The following CROCC2 variants were observed in gnomAD, a reference collection of about 807,000 sequenced individuals.
The protein encoded by CROCC2 is ciliary rootlet coiled-coil, rootletin family member 2, also known as ciliary rootlet coiled-coil protein 2.
In CROCC2, 163 loss-of-function variants were observed where a neutral mutation model predicts 177.6. The observed-to-expected ratio is 0.92, with a 90% CI of 0.81 to 1.05. The LOEUF (loss-of-function observed/expected upper bound fraction) is 1.05, where lower values mean the gene tolerates loss of function less well. Among genes scored for constraint, CROCC2 ranks in the 50% least tolerant of loss-of-function variants. CROCC2 has a pLI of 0.00. For missense variants in CROCC2, 1,929 were observed against 1,797.8 expected, an observed-to-expected ratio of 1.07 and a Z score of -1.32; for synonymous variants, 904 against 787.3, an observed-to-expected ratio of 1.15 and a Z score of -2.48.
intron 18 of CROCC2, 25 bp downstream of exon 18, chr2:240,950,535 G>A (rs780358517): frequency 1.1e-4 from 164 of 1,536,124 alleles, no homozygotes; most frequent in Non-Finnish European, 1.3e-4. Context: ...GGGGGGCAGC[G>A]GGATTGCTCA....
Position 240,973,134 on chromosome 2 carries a change from G to A in CROCC2, c.4401+4872G>A, listed in dbSNP as rs1482602647. On this transcript the variant is annotated intron_variant, in intron 27 of 31. Coordinates refer to ENST00000690015, the MANE Select transcript of CROCC2 (RefSeq NM_001351305.2). This position sits in a 1 kb window ranked among gnomAD's most constrained non-coding sequence, Gnocchi z 4.7. ...GCTTTCATGGGTTGGTTTTTCCCCT[G>A]TTTCACATAAGCCGATGTGTTTGTC... 6.6e-6 allele frequency among the ~76,000 whole-genome samples: 1 copy of A among 152,180 alleles called. No individual in the cohort carries two copies. The highest frequency in any genetic ancestry group is 1.9e-4 in the East Asian group (1 of 5,192).
Position 240,949,449 on chromosome 2 carries a change from C to T in CROCC2, c.2483-84C>T. ...GCCTGGAGTGGACAGTGCTTGCCCCCAAGACTGTCACTCCCTAGGAAGTCC... is the reference window on the plus strand; with the variant it reads ...GCCTGGAGTGGACAGTGCTTGCCCCTAAGACTGTCACTCCCTAGGAAGTCC... On this transcript the variant is annotated intron_variant, in intron 16 of 31. Coordinates refer to ENST00000690015, the MANE Select transcript of CROCC2 (RefSeq NM_001351305.2). This position sits in a 1 kb window ranked among gnomAD's most constrained non-coding sequence, Gnocchi z 4.5. 6.8e-7 allele frequency: 1 copy of T among 1,470,386 alleles called. No individual in the cohort carries two copies. The highest frequency in any genetic ancestry group is 9.2e-7 in the Non-Finnish European group (1 of 1,087,406). The allele number at this position is 1,470,386 out of a possible 1,614,324, so 91.1% of individuals were successfully genotyped here. A position where few individuals can be genotyped will look rare whatever the true frequency, so the allele number is the denominator to read the frequency against.
rs548602294 is a variant in CROCC2 at position 240,927,546 on chromosome 2, G to T, written c.645+1666G>T. Among the ~76,000 whole-genome samples the T allele has an allele frequency of 3.3e-5, 5 of 152,226 alleles. No individual in the cohort carries two copies. In the South Asian group the frequency reaches 1.0e-3, roughly 32 times the overall value. On this transcript the variant is annotated intron_variant, in intron 5 of 31. Coordinates refer to ENST00000690015, the MANE Select transcript of CROCC2 (RefSeq NM_001351305.2). Reference sequence around the variant, plus strand: ...TTTTCTCTTCTGATGTCTAATCTCTGTTAAATTTGCCTACTTAGCTTAAAT... The same window carrying T: ...TTTTCTCTTCTGATGTCTAATCTCTTTTAAATTTGCCTACTTAGCTTAAAT...
intron 14 of CROCC2, among the ~76,000 whole-genome samples, chr2:240,943,165 G>T (rs1045738844): frequency 6.6e-6 from 1 of 151,840 alleles, no homozygotes; most frequent in Non-Finnish European, 1.5e-5. Context: ...ACATGACCAC[G>T]CCCAGCTAAT....
rs77569264 is a variant in CROCC2, at chr2:240,964,526, G to A, written c.3366G>A (p.Ala1122=). 0.038 allele frequency: 58,492 copies of A among 1,549,310 alleles called. 1,339 individuals are homozygous for A. Among genetic ancestry groups the A allele is most frequent in the Non-Finnish European group, 0.043 (49,212 of 1,146,852 alleles). ...TGCTCATCCTGGAGGAGGCCCAGGC[G>A]GCGTTGCAGCAGGAGGCCAGTGCAC... ...QKLLILEEAQ[A]ALQQEASALR... The change falls in exon 22 of 32, where the codon GCG becomes GCA. Residue 1122 remains alanine (A), a synonymous_variant. Coordinates refer to ENST00000690015, the MANE Select transcript of CROCC2 (RefSeq NM_001351305.2).
intron 27 of CROCC2, among the ~76,000 whole-genome samples, chr2:240,969,070 C>T (rs903775945): frequency 1.3e-5 from 2 of 152,254 alleles, no homozygotes; most frequent in African/African-American, 2.4e-5. Context: ...CAACTGCCCC[C>T]AGGCGTCCCT....
In CROCC2 at chr2:240,949,800, T is replaced by C; in HGVS notation, c.2652+98T>C. 1 of 1,300,288 alleles carries C rather than the reference T, an allele frequency of 7.7e-7. No homozygotes were observed. The highest frequency in any genetic ancestry group is 1.5e-5 in the South Asian group (1 of 67,458). The allele number at this position is 1,300,288 out of a possible 1,614,324, so 80.5% of individuals were successfully genotyped here. A position where few individuals can be genotyped will look rare whatever the true frequency, so the allele number is the denominator to read the frequency against. ...AGGAGGGGGCCCTGGGAGACAGAGC[T>C]CAGAGACATAGGCGCCTGGCCAGGG... On this transcript the variant is annotated intron_variant, in intron 17 of 31. Coordinates refer to ENST00000690015, the MANE Select transcript of CROCC2 (RefSeq NM_001351305.2). The surrounding 1 kb of genome is among the most constrained non-coding windows in gnomAD (Gnocchi z 4.5).
chr2:240,951,103 C>T (rs750975321), intron 18 of CROCC2, among the ~76,000 whole-genome samples: 1 of 151,944 alleles, frequency 6.6e-6, no homozygotes, highest in Non-Finnish European at 1.5e-5. Context: ...ACCCATCCAC[C>T]TGTTCATCCA....
At position 240,958,953 on chromosome 2, in the gene CROCC2, T is replaced by G. The variant is rs912077618; in HGVS notation, c.2944-348T>G. 5.0e-6 allele frequency: 1 copy of G among 198,112 alleles called. No individual in the cohort carries two copies. The allele number at this position is 198,112 out of a possible 1,614,324, so 12.3% of individuals were successfully genotyped here. On this transcript the variant is annotated intron_variant, in intron 19 of 31. Coordinates refer to ENST00000690015, the MANE Select transcript of CROCC2 (RefSeq NM_001351305.2). This position sits in a 1 kb window ranked among gnomAD's most constrained non-coding sequence, Gnocchi z 6.7. ...TGTGCGACAGGGAGCCGACTCCAGC[T>G]GAGCTCAGTCCCAAATGGAGGGTAG...
chr2:240,991,290 T>A lies in CROCC2; in HGVS notation c.4946+12T>A, dbSNP rs777568751. ...TTCCAGACAGGACAGTGAGCCCTGC[T>A]GCATACCACCCAGCAGCCTAGCTGC... On this transcript the variant is annotated intron_variant, in intron 31 of 31. Transcript: ENST00000690015. 4.5e-6 allele frequency: 7 copies of A among 1,544,920 alleles called. No homozygotes were observed. The highest frequency in any genetic ancestry group is 6.1e-6 in the Non-Finnish European group (7 of 1,143,662).
At chr2:240,992,457 G>C (rs993607840) in intron 31 of CROCC2, among the ~76,000 whole-genome samples, 2 of 152,238 alleles carry the variant, frequency 1.3e-5, no homozygotes, top group Admixed American at 1.3e-4. Context: ...TGGTTTTCTG[G>C]TGGATTTAGT....
chr2:240,934,318 T>C lies in CROCC2; in HGVS notation c.1647-13T>C. On this transcript the variant is annotated splice_polypyrimidine_tract_variant and intron_variant, in intron 11 of 31. Coordinates refer to ENST00000690015, the MANE Select transcript of CROCC2 (RefSeq NM_001351305.2). ...CCCTGAGCGACCTCCCGCCCTCTGG[T>C]CTGGGGCCTCAGTCAAGGCCGCCTG... is the stretch of plus-strand genomic sequence containing the variant. The C allele has an allele frequency of 1.3e-6, 2 of 1,548,090 alleles. No homozygotes were observed. The highest frequency in any genetic ancestry group is 1.7e-6 in the Non-Finnish European group (2 of 1,146,654).
At position 240,960,323 on chromosome 2, in the gene CROCC2, C is replaced by T. The variant is rs1416415990; in HGVS notation, c.3087+879C>T. Among the ~76,000 whole-genome samples, 2 of 152,030 alleles carry T rather than the reference C, an allele frequency of 1.3e-5. No homozygotes were observed. Among genetic ancestry groups the T allele is most frequent in the African/African-American group, 2.4e-5 (1 of 41,396 alleles). On this transcript the variant is annotated intron_variant, in intron 20 of 31. Transcript: ENST00000690015. The surrounding 1 kb of genome is among the most constrained non-coding windows in gnomAD (Gnocchi z 5.0). The stretch of plus-strand genomic sequence containing the variant: ...AAAATAAGTGGGTTAGTGGAGATTT[C>T]GGGGTGTGCCTGGGCCTGGCCAAGG...
At position 240,988,662 on chromosome 2, in the gene CROCC2, G is replaced by A. The variant is rs74001749; in HGVS notation, c.4552-77G>A. 4,343 of 1,278,976 alleles carry A rather than the reference G, an allele frequency of 3.4e-3. 132 individuals are homozygous for A. The African/African-American group carries it at 0.058, about 17-fold the overall frequency. The allele number at this position is 1,278,976 out of a possible 1,614,324, so 79.2% of individuals were successfully genotyped here. A position where few individuals can be genotyped will look rare whatever the true frequency, so the allele number is the denominator to read the frequency against. On this transcript the variant is annotated intron_variant, in intron 28 of 31. Transcript: ENST00000690015. ...CAGAGTCCTTCCCAGAGGCAACCCT[G>A]TGCTCCCAGAGGAGGGCTGGCCTGA...
At chr2:240,923,365 T>A (rs1474715680) in intron 4 of CROCC2, among the ~76,000 whole-genome samples, 1 of 151,418 alleles carries the variant, frequency 6.6e-6, no homozygotes, top group African/African-American at 2.4e-5. Context: ...GATCACCCAC[T>A]CACACCCTGA....
chr2:240,991,329 T>G, intron 31 of CROCC2, 51 bp downstream of exon 31: 1 of 1,486,252 alleles, frequency 6.7e-7, no homozygotes, highest in African/African-American at 1.4e-5. Flanking sequence ...CAGCCCTGAC[T>G]GGCCAGGGGC....
Position 240,917,388 on chromosome 2 carries a change from G to A in CROCC2, c.79-1338G>A, listed in dbSNP as rs149159942. On this transcript the variant is annotated intron_variant, in intron 1 of 31. Coordinates refer to ENST00000690015, the MANE Select transcript of CROCC2 (RefSeq NM_001351305.2). This position sits in a 1 kb window ranked among gnomAD's most constrained non-coding sequence, Gnocchi z 4.9. Reference sequence around the variant, plus strand: ...AGCCAGACAGCATGCACCAGGTGCAGGAGGCCTGGCTGGGGTTGGGAGGAG... The same window carrying A: ...AGCCAGACAGCATGCACCAGGTGCAAGAGGCCTGGCTGGGGTTGGGAGGAG... Among the ~76,000 whole-genome samples, 2 of 152,298 alleles carry A rather than the reference G, an allele frequency of 1.3e-5. No individual in the cohort carries two copies.
rs186633434 is a variant in CROCC2 at position 240,976,118 on chromosome 2, G to A, written c.4402-6762G>A. 3.6e-3 allele frequency among the ~76,000 whole-genome samples: 552 copies of A among 152,370 alleles called. 2 individuals are homozygous for A. Among genetic ancestry groups the A allele is most frequent in the African/African-American group, 0.012 (512 of 41,588 alleles). On this transcript the variant is annotated intron_variant, in intron 27 of 31. Transcript: ENST00000690015. Reference sequence around the variant, plus strand: ...GGAGACTGACACTGCAGCCCCACATGCTGGCTCCAAGACCGGGCTCATCCC... The same window carrying A: ...GGAGACTGACACTGCAGCCCCACATACTGGCTCCAAGACCGGGCTCATCCC...
Position 240,917,279 on chromosome 2 carries a change from T to C in CROCC2, c.79-1447T>C, listed in dbSNP as rs2059326914. Among the ~76,000 whole-genome samples the C allele has an allele frequency of 1.5e-5, 2 of 136,136 alleles. No individual in the cohort carries two copies. The highest frequency in any genetic ancestry group is 4.9e-4 in the South Asian group (2 of 4,042). The allele number at this position is 136,136 out of a possible 152,430, so 89.3% of individuals were successfully genotyped here. A position where few individuals can be genotyped will look rare whatever the true frequency, so the allele number is the denominator to read the frequency against. On this transcript the variant is annotated intron_variant, in intron 1 of 31. Transcript: ENST00000690015. The surrounding 1 kb of genome is among the most constrained non-coding windows in gnomAD (Gnocchi z 4.9). ...CGCCATGCTGAGCCTGGGTCTGCGG[T>C]GACTCTCCAACCCCGGCGAGGGGGG... is the stretch of plus-strand genomic sequence containing the variant.
Sources: allele counts gnomAD v4.1 joint callset (sites outside exome capture counted in the v4.1 genomes callset), GRCh38; gene constraint gnomAD v4.1.1; non-coding constraint Gnocchi (gnomAD v3.1); transcripts MANE v1.5; gene names NCBI Gene and HGNC (gene_info 2026-07-23, HGNC 2026-07-21).